The following MEAF6 variants were observed in gnomAD, a reference collection of about 807,000 sequenced individuals.
The protein encoded by MEAF6 is chromatin modification-related protein MEAF6.
MEAF6 carries 15 observed loss-of-function variants against 28.9 expected under a neutral mutation model. The ratio of observed to expected loss-of-function variants is 0.52; its 90% CI spans 0.35 to 0.80. The LOEUF is 0.80. MEAF6 is among the 30% of genes least tolerant of loss of function. The probability of loss-of-function intolerance (pLI) is 0.01; values close to 1 mark genes in which losing one functional copy is unlikely to be tolerated. For missense variants in MEAF6, 178 were observed against 237.5 expected (o/e 0.75, Z 1.65); for synonymous variants, 97 against 88.7 (o/e 1.09, Z -0.53).
intron 6 of MEAF6, among the ~76,000 whole-genome samples, chr1:37,494,834 C>CA (rs1557603300): frequency 6.7e-6 from 1 of 149,942 alleles, no homozygotes; most frequent in Non-Finnish European, 1.5e-5. Context: ...CTGTCACACA[C>CA]ACAAAAAAAA....
At chr1:37,509,131 C>G in intron 4 of MEAF6, 147 bp downstream of exon 4, 2 of 754,164 alleles carry the variant, frequency 2.7e-6, no homozygotes, top group East Asian at 5.2e-5. Flanking sequence ...TAAGGATACC[C>G]TAAAAGTTTC....
In MEAF6 at chr1:37,509,467, A is replaced by G; in HGVS notation, c.282T>C (p.Val94=). The part of the protein sequence containing the change: ...EAERLFSKSS[V]TSAAAVSALA... ...CACCACTACTTACAGCTGCTGAGGT[A>G]ACCGAGGATTTACTGAAGAGCCGCT... Residue 94 remains valine, a synonymous_variant, in exon 3 of 7, where the codon GTT becomes GTC. Transcript: ENST00000296214. 1 of 1,614,076 alleles carries G rather than the reference A, an allele frequency of 6.2e-7. No homozygotes were observed. Among genetic ancestry groups the G allele is most frequent in the Non-Finnish European group, 8.5e-7 (1 of 1,179,982 alleles).
intron 4 of MEAF6, among the ~76,000 whole-genome samples, chr1:37,505,492 T>G (rs1449730401): frequency 6.6e-6 from 1 of 152,236 alleles, no homozygotes. Context: ...TTTTTGTGAT[T>G]TTTTGTTCTT....
intron 2 of MEAF6, among the ~76,000 whole-genome samples, chr1:37,511,031 A>G (rs1642652948): frequency 6.6e-6 from 1 of 152,246 alleles, no homozygotes; most frequent in African/African-American, 2.4e-5. Context: ...ATATATATTT[A>G]TTTTAATGCT....
intron 5 of MEAF6, 24 bp downstream of exon 5, chr1:37,501,780 G>A (rs772063939): frequency 2.0e-5 from 30 of 1,532,878 alleles, no homozygotes; most frequent in African/African-American, 5.5e-5. Flanking sequence ...TGGGAGCTGC[G>A]GGGGTGGGAT....
Position 37,492,998 on chromosome 1 carries a change from C to T in MEAF6, c.*1101G>A, listed in dbSNP as rs2148056815. 6.6e-6 allele frequency: 1 copy of T among 152,334 alleles called. No homozygotes were observed. The highest frequency in any genetic ancestry group is 3.4e-3 in the Middle Eastern group (1 of 294). The allele number at this position is 152,334 out of a possible 1,614,324, so 9.4% of individuals were successfully genotyped here. On this transcript the variant is annotated 3_prime_UTR_variant, in exon 7 of 7. Coordinates refer to ENST00000296214, the MANE Select transcript of MEAF6 (RefSeq NM_001270875.3). ...GTGCAGCCAGACCCTGTCGCAAGTTCACCACAGCACTAGAGGCAGGTAACG... is the reference window on the plus strand; with the variant it reads ...GTGCAGCCAGACCCTGTCGCAAGTTTACCACAGCACTAGAGGCAGGTAACG...
At chr1:37,513,978 A>G (rs1490321004) in intron 1 of MEAF6, 1 of 192,252 alleles carries the variant, frequency 5.2e-6, no homozygotes, top group Non-Finnish European at 1.1e-5. Flanking sequence ...GCCAGTTGCT[A>G]TGGAAACCTA....
intron 1 of MEAF6, 56 bp downstream of exon 1, chr1:37,514,601 G>T: frequency 7.3e-7 from 1 of 1,377,428 alleles, no homozygotes; most frequent in Non-Finnish European, 9.6e-7. Flanking sequence ...CTTGGGGCCT[G>T]GAGGCGGGGC....
Position 37,490,648 on chromosome 1 carries a change from G to A in MEAF6, c.*3451C>T, listed in dbSNP as rs535592384. On this transcript the variant is annotated 3_prime_UTR_variant, in exon 7 of 7. Transcript: ENST00000296214. ...TAGCCTTGAACTTCTGGCTTCAAGC[G>A]ATCCTGCTGCCTCTAAGCCTCCCAA... 5.9e-5 allele frequency among the ~76,000 whole-genome samples: 9 copies of A among 152,292 alleles called. No homozygotes were observed. Among genetic ancestry groups the A allele is most frequent in the South Asian group, 4.1e-4 (2 of 4,824 alleles).
At chr1:37,496,680 A>G (rs376351772) in intron 5 of MEAF6, 3 of 1,584,178 alleles carry the variant, frequency 1.9e-6, no homozygotes, top group South Asian at 1.1e-5. Context: ...TAAACACAGC[A>G]CAAATACTAA....
chr1:37,507,344 C>G (rs1001891305), intron 4 of MEAF6, among the ~76,000 whole-genome samples: 1 of 149,004 alleles, frequency 6.7e-6, no homozygotes, highest in East Asian at 2.0e-4. Context: ...AGAAAGAAAA[C>G]TAAGTCAGAT....
At chr1:37,496,751 T>G in intron 5 of MEAF6, 14 of 1,592,994 alleles carry the variant, frequency 8.8e-6, no homozygotes, top group Non-Finnish European at 1.2e-5. Flanking sequence ...GGGGCAGCAT[T>G]TGAAAGGAAG....
intron 5 of MEAF6, among the ~76,000 whole-genome samples, chr1:37,497,502 C>T (rs1642161333): frequency 6.6e-6 from 1 of 152,124 alleles, no homozygotes; most frequent in Non-Finnish European, 1.5e-5. Flanking sequence ...ATTGCTCTGC[C>T]ACCTAAGTAG....
intron 4 of MEAF6, among the ~76,000 whole-genome samples, chr1:37,507,245 G>C (rs1642515204): frequency 6.6e-6 from 1 of 151,900 alleles, no homozygotes; most frequent in Admixed American, 6.6e-5. Flanking sequence ...GCTTGAACTT[G>C]GGAGGCGGAG....
intron 6 of MEAF6, among the ~76,000 whole-genome samples, chr1:37,494,727 A>G (rs1226417367): frequency 6.6e-6 from 1 of 151,504 alleles, no homozygotes; most frequent in African/African-American, 2.4e-5. Flanking sequence ...GCTACCCAGG[A>G]GTCTGAGGTG....
At chr1:37,502,920 T>TG (rs1236547026) in intron 4 of MEAF6, among the ~76,000 whole-genome samples, 3 of 147,368 alleles carry the variant, frequency 2.0e-5, no homozygotes, top group Non-Finnish European at 4.5e-5. Flanking sequence ...ACACCCAGCC[T>TG]GGTAAGTTTT....
chr1:37,513,393 A>G (rs1332178267), intron 2 of MEAF6, 30 bp downstream of exon 2: 2 of 1,567,516 alleles, frequency 1.3e-6, no homozygotes, highest in South Asian at 1.1e-5. Flanking sequence ...CTAGGGCACA[A>G]TAGGAACACT....
Position 37,491,406 on chromosome 1 carries a change from G to A in MEAF6, c.*2693C>T, listed in dbSNP as rs2148054345. Among the ~76,000 whole-genome samples the A allele has an allele frequency of 6.6e-6, 1 of 152,326 alleles. No homozygotes were observed. Among genetic ancestry groups the A allele is most frequent in the Non-Finnish European group, 1.5e-5 (1 of 68,038 alleles). ...TGTAGTCCCAGCTACTGGGGAGGCT[G>A]AGGCAGGAGAATTGCTTGATACCTA... On this transcript the variant is annotated 3_prime_UTR_variant, in exon 7 of 7. Transcript: ENST00000296214.
At chr1:37,502,646 C>T (rs1484306927) in intron 4 of MEAF6, among the ~76,000 whole-genome samples, 1 of 131,614 alleles carries the variant, frequency 7.6e-6, no homozygotes, top group Non-Finnish European at 1.6e-5. Context: ...AAGACAGGGT[C>T]TCACTCTGTC....
Sources: allele counts gnomAD v4.1 joint callset (sites outside exome capture counted in the v4.1 genomes callset), GRCh38; gene constraint gnomAD v4.1.1; transcripts MANE v1.5; gene names NCBI Gene and HGNC (gene_info 2026-07-23, HGNC 2026-07-21).